The following DENND4A variants were observed in gnomAD, a reference collection of about 807,000 sequenced individuals.
DENND4A encodes C-myc promoter-binding protein.
A neutral mutation model predicts 199.3 loss-of-function variants in DENND4A; 70 were observed. The ratio of observed to expected loss-of-function variants is 0.35; its 90% CI spans 0.29 to 0.43. The LOEUF is 0.43. Ranked by LOEUF, DENND4A falls within the 20% of genes least tolerant of loss-of-function variation. DENND4A has a pLI of 1.00. For missense variants in DENND4A, 1,723 were observed against 2,255.8 expected (o/e 0.76, Z 4.78); for synonymous variants, 686 against 766.9 (o/e 0.89, Z 1.74).
Position 65,752,513 on chromosome 15 carries a change from T to C in DENND4A, c.427A>G (p.Thr143Ala). 1 of 1,613,660 alleles carries C rather than the reference T, an allele frequency of 6.2e-7. No individual in the cohort carries two copies. The highest frequency in any genetic ancestry group is 8.5e-7 in the Non-Finnish European group (1 of 1,179,784). Residue 143 changes from threonine to alanine, a missense_variant, in exon 4 of 33, where the codon ACT becomes GCT. Coordinates refer to ENST00000443035, the MANE Select transcript of DENND4A (RefSeq NM_001320835.1). ...GSTSSQRIYITYRRASENMTQ... is the reference protein window; with the variant it reads ...GSTSSQRIYIAYRRASENMTQ... ...ATGTTTTCAGAGGCTCTTCGGTAAG[T>C]GATATAAATTCTTTGTGATGAGGTA...
At chr15:65,673,701 G>A (rs1483785348) in intron 24 of DENND4A, among the ~76,000 whole-genome samples, 1 of 151,670 alleles carries the variant, frequency 6.6e-6, no homozygotes, top group African/African-American at 2.4e-5. Context: ...ACCCTAGAGA[G>A]GCAGAAAACG....
At chr15:65,753,711 T>C (rs998362231) in intron 3 of DENND4A, among the ~76,000 whole-genome samples, 12 of 152,142 alleles carry the variant, frequency 7.9e-5, no homozygotes, top group Non-Finnish European at 1.8e-4. Context: ...TAAATGTGTT[T>C]TTGCATTTGC....
chr15:65,792,230 T>C lies in DENND4A; in HGVS notation c.-322A>G, dbSNP rs2077757869. 8.1e-6 allele frequency: 1 copy of C among 123,162 alleles called. No individual in the cohort carries two copies. Among genetic ancestry groups the C allele is most frequent in the Non-Finnish European group, 1.6e-5 (1 of 61,172 alleles). The allele number at this position is 123,162 out of a possible 1,614,324, so 7.6% of individuals were successfully genotyped here. A position where few individuals can be genotyped will look rare whatever the true frequency, so the allele number is the denominator to read the frequency against. On this transcript the variant is annotated 5_prime_UTR_variant, in exon 1 of 33. Coordinates refer to ENST00000443035, the MANE Select transcript of DENND4A (RefSeq NM_001320835.1). ...CTCCCCCTCCCCTCGCGGCCGCCACTGCCTCCGCCTCTTTCTCCGACTCTA... is the reference window on the plus strand; with the variant it reads ...CTCCCCCTCCCCTCGCGGCCGCCACCGCCTCCGCCTCTTTCTCCGACTCTA...
At chr15:65,734,756 T>C (rs546665048) in intron 7 of DENND4A, among the ~76,000 whole-genome samples, 43 of 152,230 alleles carry the variant, frequency 2.8e-4, no homozygotes, top group Middle Eastern at 3.4e-3. Context: ...ATATTCAAGA[T>C]CCATTCAGGG....
chr15:65,764,322 A>G (rs540187027), intron 1 of DENND4A, among the ~76,000 whole-genome samples: 10 of 152,234 alleles, frequency 6.6e-5, no homozygotes, highest in African/African-American at 2.4e-4. Context: ...ACACAGCAAG[A>G]CCTCATCTGG....
intron 22 of DENND4A, among the ~76,000 whole-genome samples, chr15:65,695,409 TTTGA>T (rs1406957464): frequency 2.8e-4 from 42 of 152,334 alleles, no homozygotes; most frequent in African/African-American, 9.6e-4. Context: ...ATTAGTCTCT[TTTGA>T]TTATTTTCTG....
At chr15:65,763,975 T>C (rs988295849) in intron 1 of DENND4A, among the ~76,000 whole-genome samples, 1 of 152,160 alleles carries the variant, frequency 6.6e-6, no homozygotes, top group African/African-American at 2.4e-5. Flanking sequence ...TCAACATCAG[T>C]TGTCACAAAA....
intron 23 of DENND4A, among the ~76,000 whole-genome samples, chr15:65,688,759 A>T (rs763358720): frequency 7.2e-5 from 11 of 152,228 alleles, no homozygotes; most frequent in Admixed American, 3.9e-4. Context: ...CCATGATGTG[A>T]CTGCCCTTGG....
chr15:65,724,305 T>C (rs2075736854), intron 11 of DENND4A, among the ~76,000 whole-genome samples: 2 of 151,918 alleles, frequency 1.3e-5, no homozygotes, highest in African/African-American at 4.8e-5. Flanking sequence ...GGAATCCTCC[T>C]GGCCTCTGCC....
intron 1 of DENND4A, among the ~76,000 whole-genome samples, chr15:65,785,229 G>A (rs1244438082): frequency 6.6e-6 from 1 of 151,706 alleles, no homozygotes; most frequent in African/African-American, 2.4e-5. Flanking sequence ...GCTGGGCATG[G>A]TGGCTCACGA....
intron 24 of DENND4A, among the ~76,000 whole-genome samples, chr15:65,672,876 T>TC (rs956666485): frequency 6.6e-6 from 1 of 151,646 alleles, no homozygotes; most frequent in African/African-American, 2.4e-5. Flanking sequence ...GGTATTTTTT[T>TC]TTTTTTGAGA....
At chr15:65,710,920 C>G (rs74891326) in intron 14 of DENND4A, among the ~76,000 whole-genome samples, 9,604 of 152,286 alleles carry the variant, frequency 0.063, 324 homozygotes, top group African/African-American at 0.092. Context: ...TCCCTAGTGG[C>G]TCCCCGTGGC....
intron 5 of DENND4A, among the ~76,000 whole-genome samples, chr15:65,740,906 G>A (rs1336772573): frequency 2.0e-5 from 3 of 151,956 alleles, no homozygotes; most frequent in Non-Finnish European, 2.9e-5. Context: ...AGGTTGCAGT[G>A]AGCTACAATC....
rs748865389 is a variant in DENND4A, at chr15:65,661,988, C to T, written c.5588-1G>A. 1 of 1,601,616 alleles carries T rather than the reference C, an allele frequency of 6.2e-7. No individual in the cohort carries two copies. The highest frequency in any genetic ancestry group is 1.8e-5 in the Admixed American group (1 of 57,108). ...ATCTTGTACTCTTTATCAAAAGCAT[C>T]TGCAGAAATTGATAAAGAAATAAAA... On this transcript the variant is annotated splice_acceptor_variant, in intron 32 of 32. Coordinates refer to ENST00000443035, the MANE Select transcript of DENND4A (RefSeq NM_001320835.1). LOFTEE classifies it high-confidence loss of function.
chr15:65,741,600 G>C (rs560148434), intron 5 of DENND4A, 115 bp downstream of exon 5: 1 of 661,254 alleles, frequency 1.5e-6, no homozygotes, highest in Non-Finnish European at 2.5e-6. Context: ...CAGAAGATAC[G>C]GATTGTAGTC....
chr15:65,722,899 A>G lies in DENND4A; in HGVS notation c.1537T>C (p.Cys513Arg). Residue 513 changes from cysteine (C) to arginine (R), a missense_variant, in exon 12 of 33, where the codon TGT (cysteine) becomes CGT (arginine). By Grantham distance (180) the Cys-to-Arg change is radical (BLOSUM62 -3). Transcript: ENST00000443035. ...VAWKILPKKPCKNLMNTLNNL... is the reference protein window; with the variant it reads ...VAWKILPKKPRKNLMNTLNNL... ...TTCAGTGTGTTCATCAGATTTTTAC[A>G]TGGCTTCTTTGGAAGTATCTTCCAG... 2 of 1,610,372 alleles carry G rather than the reference A, an allele frequency of 1.2e-6. No homozygotes were observed. Among genetic ancestry groups the G allele is most frequent in the Non-Finnish European group, 1.7e-6 (2 of 1,178,592 alleles).
In DENND4A at chr15:65,750,527, AT is replaced by A. The variant is rs202164378; in HGVS notation, c.561+1851del. ...AAAAAGGAAATACAAAAAAATTCAA[AT>A]TAAAAAAAAGGATTAATTTATTATA... On this transcript the variant is annotated intron_variant, in intron 4 of 32. Transcript: ENST00000443035. Among the ~76,000 whole-genome samples, 556 of 152,320 alleles carry A rather than the reference AT, an allele frequency of 3.7e-3. 4 individuals carry two copies. Among genetic ancestry groups the A allele is most frequent in the African/African-American group, 0.013 (535 of 41,578 alleles).
chr15:65,720,591 T>C (rs1388130287), intron 12 of DENND4A, among the ~76,000 whole-genome samples: 1 of 151,966 alleles, frequency 6.6e-6, no homozygotes, highest in Admixed American at 6.6e-5. Flanking sequence ...TTTGTATTTT[T>C]AGTAGAGACG....
chr15:65,671,882 A>T lies in DENND4A; in HGVS notation c.4374T>A (p.Ser1458=). The T allele has an allele frequency of 6.3e-7, 1 of 1,593,736 alleles. No homozygotes were observed. The highest frequency in any genetic ancestry group is 8.6e-7 in the Non-Finnish European group (1 of 1,161,544). ...TCCCAGGTAAGGCAAACTTCGACAG[A>T]GATCCTGTTCATTAGTGAAAAACAA... The part of the protein sequence containing the change: ...SLESSASLEG[S]LSKFALPGKS... Residue 1458 remains serine, a synonymous_variant, in exon 25 of 33, where the codon TCT becomes TCA. Transcript: ENST00000443035.
Sources: allele counts gnomAD v4.1 joint callset (sites outside exome capture counted in the v4.1 genomes callset), GRCh38; gene constraint gnomAD v4.1.1; transcripts MANE v1.5; gene names NCBI Gene and HGNC (gene_info 2026-07-23, HGNC 2026-07-21).